BRWD1: variants seen among roughly 807,000 people sequenced by gnomAD.
The protein encoded by BRWD1 is bromodomain and WD repeat domain containing 1, also known as bromodomain and WD repeat-containing protein 1.
BRWD1 carries 82 observed loss-of-function variants against 251.2 expected under a neutral mutation model. That is an observed-to-expected ratio of 0.33 (90% CI 0.27 to 0.39). The LOEUF is 0.39. BRWD1 is among the 10% of genes least tolerant of loss of function. The pLI is 1.00. For missense variants in BRWD1, 2,233 were observed against 2,711.6 expected, an observed-to-expected ratio of 0.82 and a Z score of 3.92; for synonymous variants, 918 against 902.8, an observed-to-expected ratio of 1.02 and a Z score of -0.30.
rs1309799169 is a variant in BRWD1, at chr21:39,190,747, CTG to C, written c.*5510_*5511del. The C allele has an allele frequency of 1.3e-5, 13 of 985,380 alleles. No homozygotes were observed. Among genetic ancestry groups the C allele is most frequent in the Non-Finnish European group, 1.6e-5 (13 of 829,908 alleles). 61.0% of individuals were successfully genotyped at this position (985,380 alleles called of 1,614,324 possible). ...AGAATAAAATGGTTTCTGTAACTTGCTGTGTTTTTAAACAGTTCCGTTTTCTA... is the reference window on the plus strand; with the variant it reads ...AGAATAAAATGGTTTCTGTAACTTGCTGTTTTTAAACAGTTCCGTTTTCTA... On this transcript the variant is annotated 3_prime_UTR_variant, in exon 41 of 41. Transcript: ENST00000342449.
chr21:39,261,190 A>G (rs1225261762), intron 17 of BRWD1, among the ~76,000 whole-genome samples: 3 of 152,056 alleles, frequency 2.0e-5, no homozygotes, highest in Non-Finnish European at 4.4e-5. Context: ...ACACCAATGA[A>G]CTCCAGCCTG....
chr21:39,263,786 T>C (rs1345197340), intron 17 of BRWD1, among the ~76,000 whole-genome samples: 2 of 152,142 alleles, frequency 1.3e-5, no homozygotes, highest in African/African-American at 4.8e-5. Flanking sequence ...TCCCCACAAA[T>C]TACTATTAAT....
At position 39,199,016 on chromosome 21, in the gene BRWD1, A is replaced by C. The variant is rs370679811; in HGVS notation, c.5400T>G (p.Gly1800=). 1.4e-5 allele frequency: 22 copies of C among 1,614,050 alleles called. No homozygotes were observed. The highest frequency in any genetic ancestry group is 1.8e-5 in the Non-Finnish European group (21 of 1,180,022). ...TCTTGTGAAATGTATTGTATTTCCTACCACCAGATCTTCCTGGTTCAGAAT... is the reference window on the plus strand; with the variant it reads ...TCTTGTGAAATGTATTGTATTTCCTCCCACCAGATCTTCCTGGTTCAGAAT... ...EADSEPGRSG[G]RKYNTFHKNA... is the part of the protein sequence containing the mutation. The change falls in exon 40 of 41, where the codon GGT becomes GGG. Residue 1800 remains glycine (G), a synonymous_variant. Coordinates refer to ENST00000342449, the MANE Select transcript of BRWD1 (RefSeq NM_033656.4).
chr21:39,205,550 T>C (rs1225942096), intron 37 of BRWD1, among the ~76,000 whole-genome samples: 6 of 151,900 alleles, frequency 3.9e-5, no homozygotes, highest in Admixed American at 1.3e-4. Flanking sequence ...GGCAGGCGGA[T>C]TGCCTGAGCT....
At chr21:39,277,530 A>G (rs947985162) in intron 10 of BRWD1, among the ~76,000 whole-genome samples, 179 bp from the exon 11 acceptor site, 2 of 152,184 alleles carry the variant, frequency 1.3e-5, no homozygotes, top group African/African-American at 2.4e-5. Flanking sequence ...TAGCTTTAAA[A>G]AACAAAATTA....
Position 39,194,553 on chromosome 21 carries a change from T to G in BRWD1, c.*1706A>C. On this transcript the variant is annotated 3_prime_UTR_variant, in exon 41 of 41. Transcript: ENST00000342449. Reference sequence around the variant, plus strand: ...TCTAAGCCACAAATGAGAGGAGGTTTCCCACCTATCTCAGTTGATAATGTC... The same window carrying G: ...TCTAAGCCACAAATGAGAGGAGGTTGCCCACCTATCTCAGTTGATAATGTC... 6.9e-7 allele frequency: 1 copy of G among 1,446,868 alleles called. No homozygotes were observed. The allele number at this position is 1,446,868 out of a possible 1,614,324, so 89.6% of individuals were successfully genotyped here.
At chr21:39,221,442 T>A (rs1170500290) in intron 29 of BRWD1, among the ~76,000 whole-genome samples, 1 of 152,090 alleles carries the variant, frequency 6.6e-6, no homozygotes, top group Non-Finnish European at 1.5e-5. Flanking sequence ...TAACAAATTT[T>A]ACACTAACAT....
chr21:39,316,039 A>G (rs774317898), upstream of BRWD1, among the ~76,000 whole-genome samples: 3 of 152,212 alleles, frequency 2.0e-5, no homozygotes, highest in Non-Finnish European at 2.9e-5. Flanking sequence ...GGATGGGACC[A>G]TGATGTCAGA....
In BRWD1 at chr21:39,295,872, C is replaced by T; in HGVS notation, c.480G>A (p.Gly160=). The T allele has an allele frequency of 6.2e-7, 1 of 1,603,042 alleles. No homozygotes were observed. The highest frequency in any genetic ancestry group is 1.7e-4 in the Middle Eastern group (1 of 6,022). The change falls in exon 7 of 41, where the codon GGG becomes GGA. Residue 160 remains glycine (G), a synonymous_variant. Transcript: ENST00000342449. The part of the protein sequence containing the change: ...VEIHRGKQLT[G]CSTFSTAFPG... ...GAAATGCTGTACTAAAAGTGGAACA[C>T]CCTGTGAGTTGTTTTCCTCGATGTA...
At chr21:39,307,869 G>A (rs2036339642) in intron 4 of BRWD1, among the ~76,000 whole-genome samples, 2 of 152,102 alleles carry the variant, frequency 1.3e-5, no homozygotes, top group South Asian at 4.1e-4. Flanking sequence ...TATAGATTCT[G>A]TATTGTCCTT....
intron 8 of BRWD1, among the ~76,000 whole-genome samples, 198 bp downstream of exon 8, chr21:39,293,613 A>T (rs1477613082): frequency 6.6e-6 from 1 of 152,180 alleles, no homozygotes; most frequent in Non-Finnish European, 1.5e-5. Context: ...AAATATCAAT[A>T]AGCCTTCATG....
rs2031837607 is a variant in BRWD1, at chr21:39,196,728, A to G, written c.6341T>C (p.Val2114Ala). Residue 2114 changes from valine (V) to alanine (A), a missense_variant, in exon 41 of 41, where the codon GTG becomes GCG. Coordinates refer to ENST00000342449, the MANE Select transcript of BRWD1 (RefSeq NM_033656.4). ...YGKAPFSKTK[V>A]IHDSQETAEK... The stretch of plus-strand genomic sequence containing the variant: ...TGCTGTTTCCTGTGAATCATGAATC[A>G]CTTTTGTCTTACTAAAAGGAGCCTT... The G allele has an allele frequency of 1.2e-6, 2 of 1,613,636 alleles. No individual in the cohort carries two copies. Among genetic ancestry groups the G allele is most frequent in the Admixed American group, 1.7e-5 (1 of 59,966 alleles).
Position 39,210,948 on chromosome 21 carries a change from T to A in BRWD1, c.3901-19A>T. 6.2e-7 allele frequency: 1 copy of A among 1,604,800 alleles called. No individual in the cohort carries two copies. The highest frequency in any genetic ancestry group is 8.5e-7 in the Non-Finnish European group (1 of 1,177,558). ...CATGGACCTAAAAATACATTCACAG[T>A]CTTAAGAAAAATCACACTATTGGTG... On this transcript the variant is annotated intron_variant, in intron 34 of 40. Coordinates refer to ENST00000342449, the MANE Select transcript of BRWD1 (RefSeq NM_033656.4).
Position 39,194,359 on chromosome 21 carries a change from T to C in BRWD1, c.*1900A>G, listed in dbSNP as rs531630500. ...AAGGTTAAGAAGAGTTTAAATAAAT[T>C]AATGGATTTGACATCTATCACCAGT... On this transcript the variant is annotated 3_prime_UTR_variant, in exon 41 of 41. Coordinates refer to ENST00000342449, the MANE Select transcript of BRWD1 (RefSeq NM_033656.4). The C allele has an allele frequency of 9.3e-7, 1 of 1,069,526 alleles. No homozygotes were observed. Among genetic ancestry groups the C allele is most frequent in the Non-Finnish European group, 1.1e-6 (1 of 883,570 alleles). 66.3% of individuals were successfully genotyped at this position (1,069,526 alleles called of 1,614,324 possible).
intron 5 of BRWD1, chr21:39,298,123 G>A: frequency 1.9e-6 from 2 of 1,027,380 alleles, no homozygotes; most frequent in Non-Finnish European, 2.3e-6. Flanking sequence ...ATTCAATGAA[G>A]TTATGAGTGA....
chr21:39,302,632 T>C (rs959329401), intron 4 of BRWD1, among the ~76,000 whole-genome samples: 5 of 150,808 alleles, frequency 3.3e-5, no homozygotes, highest in African/African-American at 1.2e-4. Flanking sequence ...TGGCACATGC[T>C]TGTAATCCCA....
chr21:39,276,292 A>G, intron 11 of BRWD1, 79 bp from the exon 12 acceptor site: 2 of 1,344,728 alleles, frequency 1.5e-6, no homozygotes, highest in South Asian at 1.4e-5. Context: ...TTTTAATGCT[A>G]GAAGCCTATT....
chr21:39,270,489 AT>A, intron 13 of BRWD1, 56 bp from the exon 14 acceptor site: 1 of 1,389,360 alleles, frequency 7.2e-7, no homozygotes, highest in Non-Finnish European at 9.8e-7. Flanking sequence ...TATACAATGT[AT>A]ACAATCTCTC....
At chr21:39,291,795 C>G (rs1334680342) in intron 8 of BRWD1, among the ~76,000 whole-genome samples, 1 of 152,142 alleles carries the variant, frequency 6.6e-6, no homozygotes, top group Non-Finnish European at 1.5e-5. Flanking sequence ...ACCCTGTGCT[C>G]CATCCCACAC....
Sources: gnomAD v4.1 joint callset for allele counts (sites outside exome capture counted in the v4.1 genomes callset) on GRCh38, gnomAD v4.1.1 for gene constraint, MANE v1.5 for transcripts, NCBI Gene and HGNC (gene_info 2026-07-23, HGNC 2026-07-21) for gene names.